The following ANKFY1 variants were observed in gnomAD, a reference collection of about 807,000 sequenced individuals.
ANKFY1 encodes the protein ankyrin repeat and FYVE domain-containing protein 1.
Under a neutral mutation model 128.3 loss-of-function variants are expected in ANKFY1, and 47 were observed. That is an observed-to-expected ratio of 0.37 (90% CI 0.29 to 0.47). The LOEUF is 0.47. ANKFY1 is among the 20% of genes least tolerant of loss of function. ANKFY1 has a pLI of 1.00. For synonymous variants in ANKFY1, 553 were observed against 601.6 expected, an observed-to-expected ratio of 0.92 and a Z score of 1.18; for missense variants, 1,222 against 1,510.6, an observed-to-expected ratio of 0.81 and a Z score of 3.17.
At chr17:4,252,051 A>T (rs1384010600) in intron 1 of ANKFY1, among the ~76,000 whole-genome samples, 1 of 151,694 alleles carries the variant, frequency 6.6e-6, no homozygotes, top group African/African-American at 2.4e-5. Flanking sequence ...AAAAAAAAAA[A>T]AGACTTGTAT....
chr17:4,182,894 T>A (rs991128274), intron 14 of ANKFY1, among the ~76,000 whole-genome samples: 2 of 152,004 alleles, frequency 1.3e-5, no homozygotes, highest in Non-Finnish European at 2.9e-5. Context: ...TCACTTGAGG[T>A]CAGGAGTTCG....
chr17:4,194,103 A>ATATATTTTTTTTT (rs1555627694), intron 10 of ANKFY1, among the ~76,000 whole-genome samples: 2 of 108,186 alleles, frequency 1.8e-5, no homozygotes, highest in African/African-American at 9.8e-5. Context: ...ATATATATAT[A>ATATATTTTTTTTT]TTTTTTTTTT....
chr17:4,180,722 C>G (rs1390474320), intron 16 of ANKFY1, among the ~76,000 whole-genome samples: 1 of 132,700 alleles, frequency 7.5e-6, no homozygotes, highest in African/African-American at 2.8e-5. Flanking sequence ...GATGGTGCCA[C>G]TGCACTCTAG....
chr17:4,210,893 A>G (rs8080717), intron 4 of ANKFY1, among the ~76,000 whole-genome samples: 139,526 of 150,770 alleles, frequency 0.93, 65,461 homozygotes, highest in East Asian at 1. Flanking sequence ...TTAGCCGGGC[A>G]TGGTGGCAGG....
At chr17:4,202,422 G>C (rs999501086) in intron 7 of ANKFY1, among the ~76,000 whole-genome samples, 11 of 149,606 alleles carry the variant, frequency 7.4e-5, no homozygotes, top group Non-Finnish European at 1.2e-4. Context: ...AAAGAGGCCG[G>C]GCGCAGTGGC....
Position 4,222,176 on chromosome 17 carries a change from CGCTGCT to C in ANKFY1, c.323-5064_323-5059del, listed in dbSNP as rs1025654891. The C allele has an allele frequency of 4.7e-5, 7 of 148,292 alleles. No individual in the cohort carries two copies. The East Asian group carries it at 1.3e-3, about 28-fold the overall frequency. 9.2% of individuals were successfully genotyped at this position (148,292 alleles called of 1,614,324 possible). On this transcript the variant is annotated intron_variant, in intron 3 of 24. Coordinates refer to ENST00000341657, the MANE Select transcript of ANKFY1 (RefSeq NM_001330063.2). Reference sequence around the variant, plus strand: ...CGCGGCCAGAAGGCCCCGCCGCCGCCGCTGCTGCTACCCCTGCTGCCCGCGCCTGGC... The same window carrying C: ...CGCGGCCAGAAGGCCCCGCCGCCGCCGCTACCCCTGCTGCCCGCGCCTGGC...
intron 1 of ANKFY1, among the ~76,000 whole-genome samples, chr17:4,253,828 TTAA>T (rs2143516216): frequency 6.6e-6 from 1 of 152,244 alleles, no homozygotes; most frequent in South Asian, 2.1e-4. Flanking sequence ...ATCTTCTGAC[TTAA>T]TAAACTACAC....
At chr17:4,245,436 G>A (rs1003875409) in intron 1 of ANKFY1, among the ~76,000 whole-genome samples, 1 of 151,064 alleles carries the variant, frequency 6.6e-6, no homozygotes. Context: ...AAACTCCTGG[G>A]CTCAAGTGAT....
intron 19 of ANKFY1, among the ~76,000 whole-genome samples, chr17:4,176,778 C>G (rs190964330): frequency 2.6e-5 from 4 of 152,382 alleles, no homozygotes; most frequent in African/African-American, 9.6e-5. Flanking sequence ...TCATACCCCT[C>G]TGTGGTTTTG....
At chr17:4,198,246 C>T (rs934255388) in intron 7 of ANKFY1, among the ~76,000 whole-genome samples, 8 of 151,990 alleles carry the variant, frequency 5.3e-5, no homozygotes, top group African/African-American at 1.9e-4. Flanking sequence ...CTCTTTCTTT[C>T]TTATTTCCTG....
At chr17:4,218,161 A>G (rs1249722357) in intron 3 of ANKFY1, among the ~76,000 whole-genome samples, 1 of 152,230 alleles carries the variant, frequency 6.6e-6, no homozygotes, top group Non-Finnish European at 1.5e-5. Context: ...TATCTCTCAG[A>G]CTAGCAAAGA....
At position 4,178,077 on chromosome 17, in the gene ANKFY1, G is replaced by A. The variant is rs17176393; in HGVS notation, c.2599-775C>T. 0.022 allele frequency: 3,379 copies of A among 152,638 alleles called. 52 individuals are homozygous for A. Among genetic ancestry groups the A allele is most frequent in the Non-Finnish European group, 0.034 (2,323 of 68,246 alleles). The allele number at this position is 152,638 out of a possible 1,614,324, so 9.5% of individuals were successfully genotyped here. On this transcript the variant is annotated intron_variant, in intron 18 of 24. Transcript: ENST00000341657. The surrounding 1 kb of genome is among the most constrained non-coding windows in gnomAD (Gnocchi z 4.1). The stretch of plus-strand genomic sequence containing the variant: ...CAGCAGTCCAGTTTCACACTGGAGA[G>A]AAGAAACGGGAGAGGCCATTTCACA...
intron 1 of ANKFY1, among the ~76,000 whole-genome samples, chr17:4,256,146 T>C (rs1431639583): frequency 2.0e-5 from 3 of 147,204 alleles, no homozygotes; most frequent in East Asian, 2.3e-4. Context: ...AGCTCCCAGG[T>C]GGCCAGGCGC....
chr17:4,208,655 T>G (rs1466065699), intron 5 of ANKFY1, among the ~76,000 whole-genome samples: 1 of 152,244 alleles, frequency 6.6e-6, no homozygotes, highest in Non-Finnish European at 1.5e-5. Context: ...TCTGAAACTC[T>G]AAGGCTTTTC....
In ANKFY1 at chr17:4,181,423, G is replaced by T; in HGVS notation, c.2122-51C>A. On this transcript the variant is annotated intron_variant, in intron 15 of 24. Transcript: ENST00000341657. This position sits in a 1 kb window ranked among gnomAD's most constrained non-coding sequence, Gnocchi z 4.9. ...AAACACTGCTGAGCAAAGGCAAACA[G>T]TTTTATTACCAAGTCTGAGCTCTAT... is the stretch of plus-strand genomic sequence containing the variant. 1 of 1,328,718 alleles carries T rather than the reference G, an allele frequency of 7.5e-7. No homozygotes were observed. Among genetic ancestry groups the T allele is most frequent in the Non-Finnish European group, 1.1e-6 (1 of 920,484 alleles). 82.3% of individuals were successfully genotyped at this position (1,328,718 alleles called of 1,614,324 possible).
chr17:4,189,544 C>G (rs1380611658), intron 10 of ANKFY1, 65 bp from the exon 11 acceptor site: 1 of 1,325,314 alleles, frequency 7.5e-7, no homozygotes, highest in East Asian at 2.5e-5. Flanking sequence ...CTGCACAACA[C>G]CCTGCTCTTC....
chr17:4,191,387 T>TTACTC (rs1225082811), intron 10 of ANKFY1: 3 of 151,816 alleles, frequency 2.0e-5, no homozygotes, highest in Non-Finnish European at 2.9e-5. Flanking sequence ...TAGTTGATGG[T>TTACTC]TAATCTGGAG....
intron 1 of ANKFY1, among the ~76,000 whole-genome samples, chr17:4,247,106 C>T (rs546821655): frequency 6.7e-6 from 1 of 149,874 alleles, no homozygotes; most frequent in Admixed American, 6.6e-5. Flanking sequence ...CAGAGAGAGA[C>T]CCTGTCTTAA....
intron 3 of ANKFY1, among the ~76,000 whole-genome samples, chr17:4,225,852 T>C (rs2060416622): frequency 6.6e-6 from 1 of 152,136 alleles, no homozygotes; most frequent in African/African-American, 2.4e-5. Flanking sequence ...ACCTCTGCCT[T>C]GCAGGCTAAG....
Sources: allele counts gnomAD v4.1 joint callset (sites outside exome capture counted in the v4.1 genomes callset), GRCh38; gene constraint gnomAD v4.1.1; non-coding constraint Gnocchi (gnomAD v3.1); transcripts MANE v1.5; gene names NCBI Gene and HGNC (gene_info 2026-07-23, HGNC 2026-07-21).